Variants in VWDE observed in about 807,000 individuals in gnomAD.
VWDE encodes the protein von Willebrand factor D and EGF domains.
A neutral mutation model predicts 178.4 loss-of-function variants in VWDE; 207 were observed. The observed-to-expected ratio is 1.16, with a 90% CI of 1.04 to 1.30. The LOEUF (loss-of-function observed/expected upper bound fraction) is 1.30, where lower values mean the gene tolerates loss of function less well. VWDE is among the 50% of genes most tolerant of loss of function. VWDE has a pLI of 0.00. For missense variants in VWDE, 2,287 were observed against 1,901.3 expected, an observed-to-expected ratio of 1.20 and a Z score of -3.77; for synonymous variants, 738 against 651.4, an observed-to-expected ratio of 1.13 and a Z score of -2.02.
At chr7:12,399,878 G>A (rs751691486) in intron 1 of VWDE, among the ~76,000 whole-genome samples, 1 of 152,006 alleles carries the variant, frequency 6.6e-6, no homozygotes, top group Non-Finnish European at 1.5e-5. Context: ...TATAAAGTAT[G>A]TTCTGTGATT....
rs750386492 is a variant in VWDE at position 12,393,679 on chromosome 7, AG to A, written c.157del (p.Leu53Ter). On this transcript the variant is annotated frameshift_variant, in exon 2 of 29. Coordinates refer to ENST00000275358, the MANE Select transcript of VWDE (RefSeq NM_001135924.3). LOFTEE classifies it high-confidence loss of function. Reference protein sequence around the residue: ...WHLQQSAVQDLICDHSLSPGW... With the variant: ...WHLQQSAVQDXICDHSLSPGW... ...AGGGGAGAGGGAATGGTCACATATT[AG>A]GTCTTGAACAGCTGACTGCTGGAGG... The A allele has an allele frequency of 6.4e-7, 1 of 1,551,314 alleles. No individual in the cohort carries two copies. The highest frequency in any genetic ancestry group is 1.2e-5 in the South Asian group (1 of 84,044).
chr7:12,335,781 T>G (rs573131628), intron 27 of VWDE, among the ~76,000 whole-genome samples: 73 of 152,218 alleles, frequency 4.8e-4, no homozygotes, highest in Non-Finnish European at 1.0e-3. Flanking sequence ...TAATACATTT[T>G]CATATTTTCT....
At position 12,357,486 on chromosome 7, in the gene VWDE, G is replaced by C. The variant is rs1013986578; in HGVS notation, c.3304C>G (p.Gln1102Glu). ...NNQPPVIQAL[Q>E]DKLQTFYGEN... ...CCATAAAATGTCTGTAATTTGTCTT[G>C]CAATGCTTGAATCACTGGGGGCTGG... The change falls in exon 17 of 29, where the codon CAA (glutamine) becomes GAA (glutamate). Residue 1102 changes from glutamine (Q) to glutamate (E), a missense_variant. Physicochemically the swap from Gln to Glu is conservative, Grantham distance 29. Coordinates refer to ENST00000275358, the MANE Select transcript of VWDE (RefSeq NM_001135924.3). The C allele has an allele frequency of 5.8e-6, 9 of 1,552,008 alleles. No individual in the cohort carries two copies. Among genetic ancestry groups the C allele is most frequent in the Non-Finnish European group, 6.1e-6 (7 of 1,147,126 alleles).
At chr7:12,364,478 T>C (rs929891554) in intron 13 of VWDE, among the ~76,000 whole-genome samples, 1 of 152,122 alleles carries the variant, frequency 6.6e-6, no homozygotes, top group Non-Finnish European at 1.5e-5. Context: ...AAAGGACGTG[T>C]GAACGAATTT....
chr7:12,363,068 TC>T (rs2128553786), intron 13 of VWDE, among the ~76,000 whole-genome samples: 1 of 152,206 alleles, frequency 6.6e-6, no homozygotes, highest in South Asian at 2.1e-4. Flanking sequence ...TGAAAATATC[TC>T]AGTGAAAAAA....
In VWDE at chr7:12,377,789, T is replaced by A. The variant is rs1444019007; in HGVS notation, c.1011A>T (p.Lys337Asn). The change falls in exon 7 of 29, where the codon AAA (lysine) becomes AAT (asparagine). Residue 337 changes from lysine (K) to asparagine (N), a missense_variant. Coordinates refer to ENST00000275358, the MANE Select transcript of VWDE (RefSeq NM_001135924.3). ...DQECKISLKL[K>N]TIGQGREHLG... is the part of the protein sequence containing the mutation. ...TTAGTATATTACCTTGACCAATAGT[T>A]TTCAGTTTTAATGAGATTTTGCATT... 2.7e-6 allele frequency: 4 copies of A among 1,494,018 alleles called. No individual in the cohort carries two copies. Among genetic ancestry groups the A allele is most frequent in the Non-Finnish European group, 3.6e-6 (4 of 1,112,386 alleles). The allele number at this position is 1,494,018 out of a possible 1,614,324, so 92.5% of individuals were successfully genotyped here.
At position 12,369,885 on chromosome 7, in the gene VWDE, C is replaced by A. The variant is rs900064366; in HGVS notation, c.2421G>T (p.Leu807Phe). Reference sequence around the variant, plus strand: ...TGGCTAGAGTCTCCTGACAGAGGGTCAAGGTGCTATACTCGGTGAGGCCAG... The same window carrying A: ...TGGCTAGAGTCTCCTGACAGAGGGTAAAGGTGCTATACTCGGTGAGGCCAG... Reference protein sequence around the residue: ...TPSGLTEYSTLTLCQETLANS... With the variant: ...TPSGLTEYSTFTLCQETLANS... The change falls in exon 12 of 29, where the codon TTG (leucine) becomes TTT (phenylalanine). Residue 807 changes from leucine to phenylalanine, a missense_variant. By Grantham distance (22) the Leu-to-Phe change is conservative. Transcript: ENST00000275358. The A allele has an allele frequency of 6.4e-7, 1 of 1,551,442 alleles. No homozygotes were observed. The highest frequency in any genetic ancestry group is 1.2e-5 in the South Asian group (1 of 84,060).
Position 12,370,517 on chromosome 7 carries a change from A to T in VWDE, c.1797-8T>A. ...CTTTTTCCTGGTAAAATCCTTCCAG[A>T]TGGAAAACAGGAAAGAATAGTAATT... On this transcript the variant is annotated splice_polypyrimidine_tract_variant and splice_region_variant and intron_variant, in intron 11 of 28. Coordinates refer to ENST00000275358, the MANE Select transcript of VWDE (RefSeq NM_001135924.3). 1.3e-6 allele frequency: 2 copies of T among 1,534,532 alleles called. No individual in the cohort carries two copies. Among genetic ancestry groups the T allele is most frequent in the South Asian group, 2.4e-5 (2 of 82,882 alleles).
At chr7:12,386,778 A>T (rs1784118709) in intron 3 of VWDE, among the ~76,000 whole-genome samples, 1 of 152,070 alleles carries the variant, frequency 6.6e-6, no homozygotes, top group Admixed American at 6.6e-5. Context: ...GTATTTTTTA[A>T]TATTTTCATT....
intron 7 of VWDE, chr7:12,377,556 C>CT (rs1351136454): frequency 2.3e-5 from 8 of 342,454 alleles, no homozygotes; most frequent in Non-Finnish European, 2.6e-5. Context: ...TATTTTTTTT[C>CT]TTTTTTTAAA....
intron 23 of VWDE, among the ~76,000 whole-genome samples, chr7:12,341,172 G>A (rs1288537735): frequency 1.3e-5 from 2 of 150,700 alleles, no homozygotes; most frequent in African/African-American, 5.0e-5. Flanking sequence ...CTAACAATAT[G>A]CGACTTGAAA....
In VWDE at chr7:12,347,293, T is replaced by C. The variant is rs140243985; in HGVS notation, c.3887-2824A>G. Reference sequence around the variant, plus strand: ...ATTGGAGAAAGAAGCAGAGAAGAACTGAAACTCCAGATTACAAAAATTACC... The same window carrying C: ...ATTGGAGAAAGAAGCAGAGAAGAACCGAAACTCCAGATTACAAAAATTACC... On this transcript the variant is annotated intron_variant, in intron 19 of 28. Coordinates refer to ENST00000275358, the MANE Select transcript of VWDE (RefSeq NM_001135924.3). 2.6e-3 allele frequency among the ~76,000 whole-genome samples: 402 copies of C among 152,150 alleles called. 3 individuals are homozygous for C. Among genetic ancestry groups the C allele is most frequent in the East Asian group, 0.017 (88 of 5,150 alleles).
In VWDE at chr7:12,380,611, C is replaced by T. The variant is rs1363559544; in HGVS notation, c.664G>A (p.Gly222Arg). 3.4e-5 allele frequency: 53 copies of T among 1,552,122 alleles called. No individual in the cohort carries two copies. The highest frequency in any genetic ancestry group is 4.6e-5 in the Non-Finnish European group (53 of 1,147,120). ...AGCCTAGACCAAGCTATGTGAAATC[C>T]CACTGAGTTTTTTGTAGCGGGAACA... ...FDVPATKNSV[G>R]FHIAWSRLSS... Residue 222 changes from glycine (G) to arginine (R), a missense_variant, in exon 5 of 29, where the codon GGA becomes AGA. By Grantham distance (125) the Gly-to-Arg change is moderately radical. Transcript: ENST00000275358.
intron 19 of VWDE, 139 bp from the exon 20 acceptor site, chr7:12,344,608 G>A (rs563526483): frequency 4.0e-5 from 26 of 650,002 alleles, no homozygotes; most frequent in African/African-American, 3.7e-4. Context: ...TACTGAGAAC[G>A]TAAGAATACT....
At chr7:12,402,974 C>A (rs1050528703) in intron 1 of VWDE, among the ~76,000 whole-genome samples, 5 of 151,934 alleles carry the variant, frequency 3.3e-5, no homozygotes, top group African/African-American at 1.2e-4. Flanking sequence ...CATTAATATT[C>A]CTATCTGTAT....
Position 12,367,374 on chromosome 7 carries a change from C to T in VWDE, c.2881G>A (p.Glu961Lys). 6.5e-7 allele frequency: 1 copy of T among 1,544,886 alleles called. No homozygotes were observed. Among genetic ancestry groups the T allele is most frequent in the Non-Finnish European group, 8.7e-7 (1 of 1,143,916 alleles). Residue 961 changes from glutamate to lysine, a missense_variant, in exon 13 of 29, where the codon GAA becomes AAA. Glu to Lys is a moderately conservative substitution (Grantham distance 56). Coordinates refer to ENST00000275358, the MANE Select transcript of VWDE (RefSeq NM_001135924.3). ...GFKELPSIKC[E>K]VTKLQYNSSE... is the part of the protein sequence containing the mutation. ...TAACATACCTGTAGCTTAGTAACTT[C>T]ACATTTAATTGAAGGTAATTCTTTG... is the stretch of plus-strand genomic sequence containing the variant.
chr7:12,386,330 C>T (rs1055880763), intron 3 of VWDE, among the ~76,000 whole-genome samples: 1 of 152,174 alleles, frequency 6.6e-6, no homozygotes, highest in Non-Finnish European at 1.5e-5. Context: ...CTAAACTGAG[C>T]AGATGCTGCC....
chr7:12,386,594 A>C (rs1040346984), intron 3 of VWDE, among the ~76,000 whole-genome samples: 2 of 152,230 alleles, frequency 1.3e-5, no homozygotes, highest in South Asian at 4.1e-4. Flanking sequence ...TTATTGCCTT[A>C]GGGCCTGCTG....
chr7:12,335,120 A>G lies in VWDE; in HGVS notation c.4654+1021T>C, dbSNP rs143169845. On this transcript the variant is annotated intron_variant, in intron 27 of 28. Transcript: ENST00000275358. ...TTGAAATGGAGGGTACATTATTTCT[A>G]GTAAAAAGGCATGATCATAATAAAT... is the stretch of plus-strand genomic sequence containing the variant. Among the ~76,000 whole-genome samples the G allele has an allele frequency of 1.5e-3, 222 of 152,314 alleles. 1 individual carries two copies. The highest frequency in any genetic ancestry group is 5.1e-3 in the African/African-American group (213 of 41,558).
Sources: gnomAD v4.1 joint callset for allele counts (sites outside exome capture counted in the v4.1 genomes callset) on GRCh38, gnomAD v4.1.1 for gene constraint, MANE v1.5 for transcripts, NCBI Gene and HGNC (gene_info 2026-07-23, HGNC 2026-07-21) for gene names.